The following UNC13C variants were observed in gnomAD, a reference collection of about 807,000 sequenced individuals.
The protein encoded by UNC13C is protein unc-13 homolog C.
UNC13C carries 174 observed loss-of-function variants against 245.4 expected under a neutral mutation model. The observed-to-expected ratio is 0.71, with a 90% CI of 0.63 to 0.80. UNC13C has a LOEUF of 0.80. Among genes scored for constraint, UNC13C ranks in the 30% least tolerant of loss-of-function variants. UNC13C has a pLI of 0.00. For missense variants in UNC13C, 2,829 were observed against 2,602.9 expected (o/e 1.09, Z -1.89); for synonymous variants, 992 against 895.1 (o/e 1.11, Z -1.93).
At chr15:54,552,625 A>T (rs1383965734) in intron 28 of UNC13C, among the ~76,000 whole-genome samples, 1 of 81,628 alleles carries the variant, frequency 1.2e-5, no homozygotes, top group Non-Finnish European at 2.0e-5. Flanking sequence ...ATTATATTAT[A>T]TATTGTACAA....
At chr15:53,900,191 G>C in the UNC13C span, among the ~76,000 whole-genome samples, 2 of 140,922 alleles carry the variant, frequency 1.4e-5, no homozygotes, top group Admixed American at 7.5e-5. Flanking sequence ...GATTTAATAA[G>C]GAATTATAAT....
At chr15:54,584,564 A>G (rs1161413739) in intron 30 of UNC13C, among the ~76,000 whole-genome samples, 1 of 152,258 alleles carries the variant, frequency 6.6e-6, no homozygotes. Flanking sequence ...AAGAAATTCA[A>G]AAGAGTAAAA....
chr15:54,370,872 A>C (rs2039472195), intron 17 of UNC13C, among the ~76,000 whole-genome samples: 1 of 150,818 alleles, frequency 6.6e-6, no homozygotes, highest in African/African-American at 2.5e-5. Context: ...TTTTTTTACT[A>C]ATTATAAACT....
chr15:54,015,582 T>G lies in UNC13C; in HGVS notation c.2679T>G (p.Thr893=). 1 of 1,613,814 alleles carries G rather than the reference T, an allele frequency of 6.2e-7. No individual in the cohort carries two copies. Among genetic ancestry groups the G allele is most frequent in the Non-Finnish European group, 8.5e-7 (1 of 1,179,794 alleles). The change falls in exon 2 of 33, where the codon ACT becomes ACG. Residue 893 remains threonine (T), a synonymous_variant. Coordinates refer to ENST00000260323, the MANE Select transcript of UNC13C (RefSeq NM_001080534.3). ...TCCTTGCTAAACTAGAAAACAGGAC[T>G]AGTATTACTGAAACAGATGAACAAA... ...EQVLAKLENR[T]SITETDEQMQ...
At chr15:54,267,661 A>G (rs2036580841) in intron 10 of UNC13C, among the ~76,000 whole-genome samples, 2 of 152,016 alleles carry the variant, frequency 1.3e-5, no homozygotes, top group Admixed American at 6.6e-5. Flanking sequence ...TGTGTATAAC[A>G]TATCTCCCCT....
chr15:54,041,453 T>C (rs899225915), intron 2 of UNC13C, among the ~76,000 whole-genome samples: 3 of 152,208 alleles, frequency 2.0e-5, no homozygotes, highest in Non-Finnish European at 4.4e-5. Context: ...AAAATGACTG[T>C]CAAGACTCAG....
intron 13 of UNC13C, among the ~76,000 whole-genome samples, chr15:54,302,385 A>G (rs1206073179): frequency 6.6e-6 from 1 of 151,866 alleles, no homozygotes; most frequent in South Asian, 2.1e-4. Flanking sequence ...TCCTGAATGG[A>G]ATTGTCTAGG....
intron 26 of UNC13C, among the ~76,000 whole-genome samples, chr15:54,536,299 A>C (rs1428094785): frequency 1.3e-5 from 2 of 152,104 alleles, no homozygotes; most frequent in Non-Finnish European, 2.9e-5. Flanking sequence ...TGAAACCCTG[A>C]ACAGACCAAT....
chr15:54,353,489 G>A (rs1372598361), intron 17 of UNC13C, among the ~76,000 whole-genome samples: 1 of 152,118 alleles, frequency 6.6e-6, no homozygotes, highest in African/African-American at 2.4e-5. Flanking sequence ...AAATCCCAGT[G>A]TAGTAGTACC....
chr15:53,849,100 A>G, the UNC13C span, among the ~76,000 whole-genome samples: 3 of 151,654 alleles, frequency 2.0e-5, no homozygotes, highest in African/African-American at 7.2e-5. Context: ...ATGTATTTTT[A>G]TATTTAAAGT....
the UNC13C span, among the ~76,000 whole-genome samples, chr15:53,955,266 TACACACACACACAC>T: frequency 1.1e-4 from 16 of 149,670 alleles, no homozygotes; most frequent in East Asian, 5.9e-4. Flanking sequence ...GACTTTTTCT[TACACACACACACAC>T]ACACACACAC....
intron 18 of UNC13C, among the ~76,000 whole-genome samples, chr15:54,394,438 A>G (rs2040028943): frequency 6.6e-6 from 1 of 151,764 alleles, no homozygotes; most frequent in South Asian, 2.1e-4. Flanking sequence ...GGACTAGAAG[A>G]TCTTCTCTTA....
At chr15:54,477,693 C>A (rs2141055697) in intron 19 of UNC13C, among the ~76,000 whole-genome samples, 1 of 140,418 alleles carries the variant, frequency 7.1e-6, no homozygotes, top group Admixed American at 7.2e-5. Flanking sequence ...TTTTGATGTG[C>A]TACTGGATTC....
chr15:53,944,685 T>G, the UNC13C span, among the ~76,000 whole-genome samples: 1 of 152,246 alleles, frequency 6.6e-6, no homozygotes, highest in Non-Finnish European at 1.5e-5. Flanking sequence ...GCATTTTGGT[T>G]TATTCCATGT....
At chr15:54,568,155 G>T (rs969389213) in intron 30 of UNC13C, among the ~76,000 whole-genome samples, 1 of 151,980 alleles carries the variant, frequency 6.6e-6, no homozygotes, top group African/African-American at 2.4e-5. Flanking sequence ...ACACTAAGAT[G>T]TATTTAATAC....
Position 54,406,016 on chromosome 15 carries a change from T to C in UNC13C, c.4848-8966T>C, listed in dbSNP as rs577110396. Among the ~76,000 whole-genome samples the C allele has an allele frequency of 5.9e-5, 9 of 152,212 alleles. No individual in the cohort carries two copies. The East Asian group carries it at 1.7e-3, about 29-fold the overall frequency. ...GTGTGGGGGGGGAAAGAATATCTTA[T>C]CCTTCTATCCTCTGAGTCCTCAGCT... On this transcript the variant is annotated intron_variant, in intron 18 of 32. Transcript: ENST00000260323.
chr15:54,032,829 T>A (rs1437515954), intron 2 of UNC13C, among the ~76,000 whole-genome samples: 1 of 152,200 alleles, frequency 6.6e-6, no homozygotes, highest in African/African-American at 2.4e-5. Flanking sequence ...CTAATGGGAT[T>A]TGCAGGAATC....
chr15:53,926,824 T>C, the UNC13C span, among the ~76,000 whole-genome samples: 1 of 152,128 alleles, frequency 6.6e-6, no homozygotes, highest in Non-Finnish European at 1.5e-5. Context: ...GAGAAGGGCA[T>C]GGGGGAATGG....
chr15:54,431,461 AT>A (rs1304434802), intron 19 of UNC13C, among the ~76,000 whole-genome samples: 5 of 151,672 alleles, frequency 3.3e-5, no homozygotes, highest in African/African-American at 9.7e-5. Context: ...GTCAGTACAT[AT>A]TAGTATATTA....
Sources: allele counts gnomAD v4.1 joint callset (sites outside exome capture counted in the v4.1 genomes callset), GRCh38; gene constraint gnomAD v4.1.1; transcripts MANE v1.5; gene names NCBI Gene and HGNC (gene_info 2026-07-23, HGNC 2026-07-21).